The following FGF17 variants were observed in gnomAD, a reference collection of about 807,000 sequenced individuals.
FGF17 encodes the protein fibroblast growth factor 17.
Under a neutral mutation model 23.5 loss-of-function variants are expected in FGF17, and 5 were observed. The ratio of observed to expected loss-of-function variants is 0.21; its 90% CI spans 0.11 to 0.45. The LOEUF (loss-of-function observed/expected upper bound fraction) is 0.45. Among genes scored for constraint, FGF17 ranks in the 20% least tolerant of loss-of-function variants. The pLI is 0.99. For missense variants in FGF17, 221 were observed against 306.9 expected (o/e 0.72, Z 2.09); for synonymous variants, 136 against 123.0 (o/e 1.11, Z -0.70).
At chr8:22,044,751 C>CGGTGCACA in intron 2 of FGF17, 3 of 985,412 alleles carry the variant, frequency 3.0e-6, no homozygotes, top group Non-Finnish European at 3.6e-6. Context: ...AAATGAGCAA[C>CGGTGCACA]GGTGCACAGT....
chr8:22,040,784 C>T (rs1234991441), upstream of FGF17, among the ~76,000 whole-genome samples: 3 of 152,224 alleles, frequency 2.0e-5, no homozygotes, highest in Non-Finnish European at 4.4e-5. Flanking sequence ...GCTGTCCCCT[C>T]CACGTGTCTG....
intron 4 of FGF17, 58 bp from the exon 5 acceptor site, chr8:22,047,898 G>T: frequency 6.5e-7 from 1 of 1,535,998 alleles, no homozygotes; most frequent in South Asian, 1.2e-5. Flanking sequence ...CCGTAAGGGC[G>T]ACACCCCAGA....
Position 22,042,828 on chromosome 8 carries a change from G to A in FGF17, c.-101G>A. Reference sequence around the variant, plus strand: ...CGCCCCCCTGAAAACCTGTGGCTCGGAGAGACCTTGGCTTCTCTGGGACTC... The same window carrying A: ...CGCCCCCCTGAAAACCTGTGGCTCGAAGAGACCTTGGCTTCTCTGGGACTC... On this transcript the variant is annotated 5_prime_UTR_variant, in exon 1 of 5. Coordinates refer to ENST00000359441, the MANE Select transcript of FGF17 (RefSeq NM_003867.4). The A allele has an allele frequency of 5.5e-6, 7 of 1,272,622 alleles. No homozygotes were observed. The highest frequency in any genetic ancestry group is 6.7e-6 in the Non-Finnish European group (6 of 891,430). 78.8% of individuals were successfully genotyped at this position (1,272,622 alleles called of 1,614,324 possible).
upstream of FGF17, among the ~76,000 whole-genome samples, chr8:22,041,617 C>T (rs1175416120): frequency 2.0e-5 from 3 of 152,158 alleles, no homozygotes; most frequent in East Asian, 5.8e-4. Flanking sequence ...CGGATTCCAC[C>T]TTTAATCCTG....
At chr8:22,045,034 A>G in intron 2 of FGF17, 2 of 985,636 alleles carry the variant, frequency 2.0e-6, no homozygotes, top group Non-Finnish European at 2.4e-6. Flanking sequence ...TTCTCATGCT[A>G]GAGCTGAGGC....
In FGF17 at chr8:22,048,189, T is replaced by C; in HGVS notation, c.591T>C (p.Phe197=). 6.2e-7 allele frequency: 1 copy of C among 1,612,572 alleles called. No individual in the cohort carries two copies. ...NHAEKQKQFE[F]VGSAPTRRTK... is the part of the protein sequence containing the mutation. ...CCGAGAAGCAGAAGCAGTTCGAGTT[T>C]GTGGGCTCCGCCCCCACCCGCCGGA... The change falls in exon 5 of 5, where the codon TTT becomes TTC. Residue 197 remains phenylalanine (F), a synonymous_variant. Coordinates refer to ENST00000359441, the MANE Select transcript of FGF17 (RefSeq NM_003867.4). This position sits in a 1 kb window ranked among gnomAD's most constrained non-coding sequence, Gnocchi z 6.9.
Position 22,042,936 on chromosome 8 carries a change from C to A in FGF17, c.8C>A (p.Ala3Asp). The A allele has an allele frequency of 6.2e-7, 1 of 1,613,310 alleles. No individual in the cohort carries two copies. Among genetic ancestry groups the A allele is most frequent in the Non-Finnish European group, 8.5e-7 (1 of 1,179,742 alleles). The part of the protein sequence containing the change: MG[A>D]ARLLPNLTLC... Reference sequence around the variant, plus strand: ...TGAGGAACCTCTCCAGCGATGGGAGCCGCCCGCCTGCTGCCCAACCTCACT... The same window carrying A: ...TGAGGAACCTCTCCAGCGATGGGAGACGCCCGCCTGCTGCCCAACCTCACT... Residue 3 changes from alanine (A) to aspartate (D), a missense_variant, in exon 1 of 5, where the codon GCC becomes GAC. Physicochemically the swap from Ala to Asp is moderately radical, Grantham distance 126. Around this residue, in one of 3 missense-constraint regions of FGF17, gnomAD observed 35 missense variants for 35.5 expected, o/e 0.99. Transcript: ENST00000359441.
chr8:22,047,887 G>A (rs1469374496), intron 4 of FGF17, 69 bp from the exon 5 acceptor site: 2 of 1,492,238 alleles, frequency 1.3e-6, no homozygotes, highest in Admixed American at 3.9e-5. Context: ...TCCAAAATAG[G>A]CCGTAAGGGC....
intron 4 of FGF17, among the ~76,000 whole-genome samples, chr8:22,046,929 G>T (rs1253230670): frequency 6.8e-6 from 1 of 147,572 alleles, no homozygotes; most frequent in East Asian, 2.0e-4. Context: ...CACTATAGGT[G>T]CATGCCACCA....
At chr8:22,047,909 C>A in intron 4 of FGF17, 47 bp from the exon 5 acceptor site, 2 of 1,566,368 alleles carry the variant, frequency 1.3e-6, no homozygotes, top group Non-Finnish European at 1.7e-6. Flanking sequence ...ACACCCCAGA[C>A]CAGGGTAGGT....
At position 22,048,359 on chromosome 8, in the gene FGF17, A is replaced by T; in HGVS notation, c.*110A>T. 1 of 1,010,600 alleles carries T rather than the reference A, an allele frequency of 9.9e-7. No individual in the cohort carries two copies. 62.6% of individuals were successfully genotyped at this position (1,010,600 alleles called of 1,614,324 possible). A position where few individuals can be genotyped will look rare whatever the true frequency, so the allele number is the denominator to read the frequency against. On this transcript the variant is annotated 3_prime_UTR_variant, in exon 5 of 5. Transcript: ENST00000359441. The surrounding 1 kb of genome is among the most constrained non-coding windows in gnomAD (Gnocchi z 6.9). ...AGGGGAGCCAGATCCCCGAGGGAGG[A>T]CCCTGAGGGCCGCGAAGCATCCGAG...
At chr8:22,043,737 C>G (rs1287544982) in intron 2 of FGF17, among the ~76,000 whole-genome samples, 1 of 150,342 alleles carries the variant, frequency 6.7e-6, no homozygotes, top group East Asian at 2.0e-4. Context: ...TCCACACTCC[C>G]CCCACCCCAA....
At chr8:22,045,623 G>A (rs3176290) in intron 2 of FGF17, 508,777 of 1,043,528 alleles carry the variant, frequency 0.49, 128,067 homozygotes, top group Middle Eastern at 0.57. Context: ...CTCTGTGCCC[G>A]TGTGCTGGGC....
chr8:22,046,464 C>G, intron 3 of FGF17, 63 bp from the exon 4 acceptor site: 2 of 1,476,272 alleles, frequency 1.4e-6, no homozygotes, highest in Non-Finnish European at 9.4e-7. Flanking sequence ...GGGTGGTCCC[C>G]TGCTGTAGCC....
chr8:22,045,851 T>C (rs1234809099), intron 2 of FGF17: 1 of 1,377,134 alleles, frequency 7.3e-7, no homozygotes, highest in African/African-American at 1.5e-5. Flanking sequence ...CCCAGAGTCC[T>C]GATTCCAGGG....
upstream of FGF17, among the ~76,000 whole-genome samples, chr8:22,040,574 T>C (rs1800722291): frequency 6.6e-6 from 1 of 152,224 alleles, no homozygotes. Context: ...CTGGCATCTG[T>C]TACCATGGAG....
chr8:22,039,861 G>C (rs1476142037), upstream of FGF17, among the ~76,000 whole-genome samples: 1 of 152,012 alleles, frequency 6.6e-6, no homozygotes, highest in Non-Finnish European at 1.5e-5. Flanking sequence ...GCTCAAGCAG[G>C]TGGTGGCAAG....
upstream of FGF17, among the ~76,000 whole-genome samples, chr8:22,040,036 AC>A (rs34029077): frequency 7.0e-6 from 1 of 143,128 alleles, no homozygotes; most frequent in Non-Finnish European, 1.5e-5. Context: ...CCTGAACCCC[AC>A]CCCCCCAGCA....
chr8:22,043,177 C>T lies in FGF17; in HGVS notation c.68C>T (p.Thr23Ile). Reference protein sequence around the residue: ...CLQLLILCCQTQGENHPSPNF... With the variant: ...CLQLLILCCQIQGENHPSPNF... ...CAGCTGCTGATTCTCTGCTGTCAAACTCAGGTAGGCGGGCATTCCCACCGG... is the reference window on the plus strand; with the variant it reads ...CAGCTGCTGATTCTCTGCTGTCAAATTCAGGTAGGCGGGCATTCCCACCGG... Residue 23 changes from threonine (T) to isoleucine (I), a missense_variant, in exon 2 of 5, where the codon ACT (threonine) becomes ATT (isoleucine). Physicochemically the swap from Thr to Ile is moderately conservative, Grantham distance 89. Transcript: ENST00000359441. The T allele has an allele frequency of 6.2e-7, 1 of 1,613,678 alleles. No homozygotes were observed. The highest frequency in any genetic ancestry group is 8.5e-7 in the Non-Finnish European group (1 of 1,180,008).
Sources: gnomAD v4.1 joint callset for allele counts (sites outside exome capture counted in the v4.1 genomes callset) on GRCh38, gnomAD v4.1.1 for gene constraint, gnomAD v4.1.1 regional missense constraint, Gnocchi (gnomAD v3.1) non-coding constraint, MANE v1.5 for transcripts, NCBI Gene and HGNC (gene_info 2026-07-23, HGNC 2026-07-21) for gene names.